Variants in FGF19 observed in about 807,000 individuals in gnomAD.
FGF19 encodes FGF-19.
A neutral mutation model predicts 8.9 loss-of-function variants in FGF19; 5 were observed. The ratio of observed to expected loss-of-function variants is 0.56; its 90% CI spans 0.29 to 1.18. FGF19 has a LOEUF of 1.18. Ranked by LOEUF, FGF19 falls within the 50% of genes most tolerant of loss-of-function variation. FGF19 has a pLI of 0.08. For missense variants in FGF19, 237 were observed against 293.9 expected (o/e 0.81, Z 1.42); for synonymous variants, 124 against 128.0 (o/e 0.97, Z 0.21).
In FGF19 at chr11:69,703,661, C is replaced by T; in HGVS notation, c.216G>A (p.Arg72=). The change falls in exon 1 of 3, where the codon CGG becomes CGA. Residue 72 remains arginine (R), a synonymous_variant. Transcript: ENST00000294312. The surrounding 1 kb of genome is among the most constrained non-coding windows in gnomAD (Gnocchi z 6.8). Reference sequence around the variant, plus strand: ...GGCACTCACTGTGCGCGCTCTGGCCCCGCGCGCAGTCCACGACGCCGTCGG... The same window carrying T: ...GGCACTCACTGTGCGCGCTCTGGCCTCGCGCGCAGTCCACGACGCCGTCGG... ...IRADGVVDCA[R]GQSAHSLLEI... The T allele has an allele frequency of 8.1e-7, 1 of 1,232,668 alleles. No individual in the cohort carries two copies. Among genetic ancestry groups the T allele is most frequent in the Non-Finnish European group, 1.0e-6 (1 of 988,766 alleles). 76.4% of individuals were successfully genotyped at this position (1,232,668 alleles called of 1,614,324 possible). A position where few individuals can be genotyped will look rare whatever the true frequency, so the allele number is the denominator to read the frequency against.
At position 69,698,983 on chromosome 11, in the gene FGF19, G is replaced by A. The variant is rs544318403; in HGVS notation, c.*279C>T. 54 of 402,250 alleles carry A rather than the reference G, an allele frequency of 1.3e-4. No homozygotes were observed. The highest frequency in any genetic ancestry group is 8.8e-4 in the African/African-American group (44 of 50,148). The allele number at this position is 402,250 out of a possible 1,614,324, so 24.9% of individuals were successfully genotyped here. On this transcript the variant is annotated 3_prime_UTR_variant, in exon 3 of 3. Coordinates refer to ENST00000294312, the MANE Select transcript of FGF19 (RefSeq NM_005117.3). Reference sequence around the variant, plus strand: ...TCGATGGAGGTATTCAAGCAGAACTGAGACAGTGCAGCAGCTTGTCCAGCA... The same window carrying A: ...TCGATGGAGGTATTCAAGCAGAACTAAGACAGTGCAGCAGCTTGTCCAGCA...
At position 69,699,001 on chromosome 11, in the gene FGF19, G is replaced by A; in HGVS notation, c.*261C>T. The A allele has an allele frequency of 2.1e-6, 1 of 480,288 alleles. No homozygotes were observed. Among genetic ancestry groups the A allele is most frequent in the Non-Finnish European group, 3.7e-6 (1 of 270,492 alleles). The allele number at this position is 480,288 out of a possible 1,614,324, so 29.8% of individuals were successfully genotyped here. ...CAGAACTGAGACAGTGCAGCAGCTT[G>A]TCCAGCAACCTCGAGGGAGCAGAAT... is the stretch of plus-strand genomic sequence containing the variant. On this transcript the variant is annotated 3_prime_UTR_variant, in exon 3 of 3. Transcript: ENST00000294312.
In FGF19 at chr11:69,699,012, T is replaced by C; in HGVS notation, c.*250A>G. 2 of 494,454 alleles carry C rather than the reference T, an allele frequency of 4.0e-6. No individual in the cohort carries two copies. The highest frequency in any genetic ancestry group is 7.2e-6 in the Non-Finnish European group (2 of 279,000). The allele number at this position is 494,454 out of a possible 1,614,324, so 30.6% of individuals were successfully genotyped here. ...CAGTGCAGCAGCTTGTCCAGCAACC[T>C]CGAGGGAGCAGAATGGGGGCCCAGG... On this transcript the variant is annotated 3_prime_UTR_variant, in exon 3 of 3. Transcript: ENST00000294312.
chr11:69,699,664 G>A (rs1398216540), intron 2 of FGF19, 88 bp from the exon 3 acceptor site: 10 of 1,045,896 alleles, frequency 9.6e-6, no homozygotes, highest in East Asian at 7.8e-5. Flanking sequence ...ACTGTCCCTG[G>A]TGGCCACCAG....
intron 2 of FGF19, among the ~76,000 whole-genome samples, chr11:69,700,350 A>G (rs988593404): frequency 6.6e-5 from 10 of 152,154 alleles, no homozygotes; most frequent in Admixed American, 2.0e-4. Flanking sequence ...TACACTCTAT[A>G]TAGACCCAAA....
In FGF19 at chr11:69,703,959, G is replaced by T; in HGVS notation, c.-83C>A. 1.2e-6 allele frequency: 1 copy of T among 821,362 alleles called. No homozygotes were observed. The highest frequency in any genetic ancestry group is 1.6e-6 in the Non-Finnish European group (1 of 609,566). The allele number at this position is 821,362 out of a possible 1,614,324, so 50.9% of individuals were successfully genotyped here. A position where few individuals can be genotyped will look rare whatever the true frequency, so the allele number is the denominator to read the frequency against. On this transcript the variant is annotated 5_prime_UTR_variant, in exon 1 of 3. Coordinates refer to ENST00000294312, the MANE Select transcript of FGF19 (RefSeq NM_005117.3). The surrounding 1 kb of genome is among the most constrained non-coding windows in gnomAD (Gnocchi z 6.8). ...GGCGACCGGGATGCGCTGCGGGGCT[G>T]TGAGTGCCGGGTTGGGATGGTCGTG...
Position 69,703,429 on chromosome 11 carries a change from C to T in FGF19, c.233-65G>A. Reference sequence around the variant, plus strand: ...TGGGCCCGCACCACGTGGGTGCGGTCGGTCCACAAGCCTGTGCTTCTCCCT... The same window carrying T: ...TGGGCCCGCACCACGTGGGTGCGGTTGGTCCACAAGCCTGTGCTTCTCCCT... On this transcript the variant is annotated intron_variant, in intron 1 of 2. Coordinates refer to ENST00000294312, the MANE Select transcript of FGF19 (RefSeq NM_005117.3). This position sits in a 1 kb window ranked among gnomAD's most constrained non-coding sequence, Gnocchi z 6.8. 1.5e-6 allele frequency: 2 copies of T among 1,302,378 alleles called. No individual in the cohort carries two copies. The highest frequency in any genetic ancestry group is 2.0e-5 in the Admixed American group (1 of 49,832). The allele number at this position is 1,302,378 out of a possible 1,614,324, so 80.7% of individuals were successfully genotyped here.
In FGF19 at chr11:69,702,152, G is replaced by T. The variant is rs1354077516; in HGVS notation, c.336+1109C>A. Among the ~76,000 whole-genome samples, 1 of 151,912 alleles carries T rather than the reference G, an allele frequency of 6.6e-6. No individual in the cohort carries two copies. Among genetic ancestry groups the T allele is most frequent in the Non-Finnish European group, 1.5e-5 (1 of 67,984 alleles). On this transcript the variant is annotated intron_variant, in intron 2 of 2. Coordinates refer to ENST00000294312, the MANE Select transcript of FGF19 (RefSeq NM_005117.3). This position sits in a 1 kb window ranked among gnomAD's most constrained non-coding sequence, Gnocchi z 4.6. ...CAAGGGTGGGTTTGGAGCGGCTCTG[G>T]GTGGGAGTCAGCGTCCAGCGTGCCG...
intron 2 of FGF19, among the ~76,000 whole-genome samples, chr11:69,700,769 A>AGGCCT (rs1451694279): frequency 3.3e-5 from 5 of 151,500 alleles, no homozygotes; most frequent in Non-Finnish European, 5.9e-5. Flanking sequence ...CCCCTCCCCC[A>AGGCCT]GGCCAGGCCA....
In FGF19 at chr11:69,703,832, G is replaced by A; in HGVS notation, c.45C>T (p.Gly15=). 1.6e-6 allele frequency: 2 copies of A among 1,236,998 alleles called. No individual in the cohort carries two copies. Among genetic ancestry groups the A allele is most frequent in the Non-Finnish European group, 2.0e-6 (2 of 990,378 alleles). 76.6% of individuals were successfully genotyped at this position (1,236,998 alleles called of 1,614,324 possible). Reference sequence around the variant, plus strand: ...GGCGCCCGGCCACGGCCAGCCAGAGGCCGGCCAGGATCCATACGTGGACCA... The same window carrying A: ...GGCGCCCGGCCACGGCCAGCCAGAGACCGGCCAGGATCCATACGTGGACCA... ...CVVVHVWILA[G]LWLAVAGRPL... Residue 15 remains glycine (G), a synonymous_variant, in exon 1 of 3, where the codon GGC becomes GGT. Transcript: ENST00000294312. The surrounding 1 kb of genome is among the most constrained non-coding windows in gnomAD (Gnocchi z 6.8).
At chr11:69,701,063 G>A (rs917528680) in intron 2 of FGF19, among the ~76,000 whole-genome samples, 2 of 152,242 alleles carry the variant, frequency 1.3e-5, no homozygotes, top group Non-Finnish European at 2.9e-5. Context: ...CCTGATAAGA[G>A]GCTCATTGCA....
chr11:69,699,838 C>T (rs1854749335), intron 2 of FGF19, among the ~76,000 whole-genome samples: 1 of 152,126 alleles, frequency 6.6e-6, no homozygotes, highest in Non-Finnish European at 1.5e-5. Flanking sequence ...GTAGTCCCAG[C>T]ACTTTGGGAG....
Position 69,703,587 on chromosome 11 carries a change from C to A in FGF19, c.232+58G>T. 1.2e-6 allele frequency: 1 copy of A among 840,418 alleles called. No individual in the cohort carries two copies. The highest frequency in any genetic ancestry group is 4.0e-5 in the East Asian group (1 of 25,188). The allele number at this position is 840,418 out of a possible 1,614,324, so 52.1% of individuals were successfully genotyped here. A position where few individuals can be genotyped will look rare whatever the true frequency, so the allele number is the denominator to read the frequency against. On this transcript the variant is annotated intron_variant, in intron 1 of 2. Coordinates refer to ENST00000294312, the MANE Select transcript of FGF19 (RefSeq NM_005117.3). The surrounding 1 kb of genome is among the most constrained non-coding windows in gnomAD (Gnocchi z 6.8). ...GAAGGAAGGGCGCTGGGGTGGGGCG[C>A]GCGCAGCGGGGTGGGGTGCGCGCGG...
In FGF19 at chr11:69,699,219, C is replaced by T; in HGVS notation, c.*43G>A. ...AGCACGTCCCCCACGCTGCAGGTAC[C>T]ACAGCCCCTGGCAGCAGTGAAGAGG... On this transcript the variant is annotated 3_prime_UTR_variant, in exon 3 of 3. Coordinates refer to ENST00000294312, the MANE Select transcript of FGF19 (RefSeq NM_005117.3). 1 of 1,474,476 alleles carries T rather than the reference C, an allele frequency of 6.8e-7. No homozygotes were observed. Among genetic ancestry groups the T allele is most frequent in the African/African-American group, 1.4e-5 (1 of 71,854 alleles). 91.3% of individuals were successfully genotyped at this position (1,474,476 alleles called of 1,614,324 possible). A position where few individuals can be genotyped will look rare whatever the true frequency, so the allele number is the denominator to read the frequency against.
chr11:69,699,106 T>G lies in FGF19; in HGVS notation c.*156A>C. The G allele has an allele frequency of 1.6e-6, 1 of 615,240 alleles. No individual in the cohort carries two copies. Among genetic ancestry groups the G allele is most frequent in the South Asian group, 2.0e-5 (1 of 49,298 alleles). 38.1% of individuals were successfully genotyped at this position (615,240 alleles called of 1,614,324 possible). ...AAGTCTATTGGCTAGAAACTGGCAC[T>G]GCCAATGGAAAACTCTGAATATGTA... On this transcript the variant is annotated 3_prime_UTR_variant, in exon 3 of 3. Coordinates refer to ENST00000294312, the MANE Select transcript of FGF19 (RefSeq NM_005117.3).
In FGF19 at chr11:69,702,727, G is replaced by A. The variant is rs971293655; in HGVS notation, c.336+534C>T. ...GCGTCTAAGCCACACCGTGCTCCTG[G>A]TAGATTAAAAATTAATTCTAAAAAA... On this transcript the variant is annotated intron_variant, in intron 2 of 2. Transcript: ENST00000294312. The surrounding 1 kb of genome is among the most constrained non-coding windows in gnomAD (Gnocchi z 4.6). 1.3e-5 allele frequency among the ~76,000 whole-genome samples: 2 copies of A among 152,086 alleles called. No individual in the cohort carries two copies.
Position 69,704,006 on chromosome 11 carries a change from G to A in FGF19, c.-130C>T, listed in dbSNP as rs1854811978. ...CGTGGCCCTAGATCCTGGACGCAGC[G>A]CTCCTGCTCTGACGGCGCGGCGGCT... On this transcript the variant is annotated 5_prime_UTR_variant, in exon 1 of 3. Coordinates refer to ENST00000294312, the MANE Select transcript of FGF19 (RefSeq NM_005117.3). 3.8e-6 allele frequency: 2 copies of A among 521,528 alleles called. No homozygotes were observed. The highest frequency in any genetic ancestry group is 5.9e-6 in the Non-Finnish European group (2 of 339,186). The allele number at this position is 521,528 out of a possible 1,614,324, so 32.3% of individuals were successfully genotyped here. A position where few individuals can be genotyped will look rare whatever the true frequency, so the allele number is the denominator to read the frequency against.
rs560188652 is a variant in FGF19, at chr11:69,699,072, T to C, written c.*190A>G. On this transcript the variant is annotated 3_prime_UTR_variant, in exon 3 of 3. Transcript: ENST00000294312. ...GGCAAGCTACAGGCTTACAATGTTA[T>C]GATCAGACAAGTCTATTGGCTAGAA... The C allele has an allele frequency of 3.4e-6, 2 of 586,724 alleles. No individual in the cohort carries two copies. Among genetic ancestry groups the C allele is most frequent in the Non-Finnish European group, 6.0e-6 (2 of 331,552 alleles). 36.3% of individuals were successfully genotyped at this position (586,724 alleles called of 1,614,324 possible).
chr11:69,701,965 C>CAAAAAAAAA (rs59026695), intron 2 of FGF19, among the ~76,000 whole-genome samples: 824 of 72,852 alleles, frequency 0.011, 49 homozygotes, highest in Non-Finnish European at 0.016. Flanking sequence ...AAGACTCTGC[C>CAAAAAAAAA]AAAAAAAAAA....
Sources: gnomAD v4.1 joint callset for allele counts (sites outside exome capture counted in the v4.1 genomes callset) on GRCh38, gnomAD v4.1.1 for gene constraint, Gnocchi (gnomAD v3.1) non-coding constraint, MANE v1.5 for transcripts, NCBI Gene and HGNC (gene_info 2026-07-23, HGNC 2026-07-21) for gene names.